Variants in CDH13 observed in about 807,000 individuals in gnomAD.
The protein encoded by CDH13 is cadherin 13.
Under a neutral mutation model 63.8 loss-of-function variants are expected in CDH13, and 24 were observed. That is an observed-to-expected ratio of 0.38 (90% confidence interval 0.27 to 0.53). CDH13 has a LOEUF of 0.53. Among genes scored for constraint, CDH13 ranks in the 20% least tolerant of loss-of-function variants. The pLI is 0.85. For synonymous variants in CDH13, 503 were observed against 355.3 expected, an observed-to-expected ratio of 1.42 and a Z score of -4.67; for missense variants, 1,049 against 903.1, an observed-to-expected ratio of 1.16 and a Z score of -2.07.
intron 6 of CDH13, among the ~76,000 whole-genome samples, chr16:83,435,125 C>T (rs1250305792): frequency 1.3e-5 from 2 of 151,764 alleles, no homozygotes; most frequent in African/African-American, 4.8e-5. Context: ...CGGCTTACTG[C>T]AACCTCCACC....
At chr16:83,408,242 A>G (rs1028933650) in intron 6 of CDH13, among the ~76,000 whole-genome samples, 1 of 152,214 alleles carries the variant, frequency 6.6e-6, no homozygotes, top group Admixed American at 6.5e-5. Flanking sequence ...TGCATGTTCC[A>G]TTGACAAAAC....
At chr16:83,181,631 C>T (rs867032328) in intron 4 of CDH13, among the ~76,000 whole-genome samples, 3 of 152,070 alleles carry the variant, frequency 2.0e-5, no homozygotes, top group East Asian at 1.9e-4. Flanking sequence ...TGAGTTGAGC[C>T]GCATGCTGAA....
At chr16:83,258,254 A>T (rs1043106919) in intron 5 of CDH13, among the ~76,000 whole-genome samples, 4 of 152,206 alleles carry the variant, frequency 2.6e-5, no homozygotes, top group African/African-American at 9.7e-5. Flanking sequence ...CATTTTTACC[A>T]CCAATATTTT....
rs1483757090 is a variant in CDH13, at chr16:82,644,215, T to G, written c.45+17078T>G. Among the ~76,000 whole-genome samples the G allele has an allele frequency of 2.6e-5, 4 of 152,140 alleles. No individual in the cohort carries two copies. The highest frequency in any genetic ancestry group is 5.9e-5 in the Non-Finnish European group (4 of 68,026). ...CCTTTGGCTGGTGCGGCTGAAGAATTCAATAGCCTAGTAATGAGAAGTCAA... is the reference window on the plus strand; with the variant it reads ...CCTTTGGCTGGTGCGGCTGAAGAATGCAATAGCCTAGTAATGAGAAGTCAA... On this transcript the variant is annotated intron_variant, in intron 1 of 13. Transcript: ENST00000567109. This position sits in a 1 kb window ranked among gnomAD's most constrained non-coding sequence, Gnocchi z 5.7.
At chr16:83,573,320 G>T (rs1053392767) in intron 7 of CDH13, among the ~76,000 whole-genome samples, 1 of 152,060 alleles carries the variant, frequency 6.6e-6, no homozygotes, top group Admixed American at 6.5e-5. Context: ...GGTGGGTGTG[G>T]CTCAGTTCTG....
rs147795085 is a variant in CDH13, at chr16:83,048,073, C to G, written c.366+15855C>G. 1.8e-3 allele frequency among the ~76,000 whole-genome samples: 280 copies of G among 152,260 alleles called. 2 individuals carry two copies. The highest frequency in any genetic ancestry group is 6.3e-3 in the African/African-American group (263 of 41,564). ...AAGTAGATTCAGGTTGGTTGAATAG[C>G]TGTATCCAAAAGGGTTAAAATATAA... is the stretch of plus-strand genomic sequence containing the variant. On this transcript the variant is annotated intron_variant, in intron 3 of 13. Coordinates refer to ENST00000567109, the MANE Select transcript of CDH13 (RefSeq NM_001257.5).
At chr16:82,655,066 C>G (rs992574666) in intron 1 of CDH13, among the ~76,000 whole-genome samples, 1 of 152,166 alleles carries the variant, frequency 6.6e-6, no homozygotes, top group Non-Finnish European at 1.5e-5. Flanking sequence ...AAAAGAAACT[C>G]AAGATAATTT....
rs927313075 is a variant in CDH13 at position 83,375,228 on chromosome 16, G to A, written c.781+30222G>A. On this transcript the variant is annotated intron_variant, in intron 6 of 13. Transcript: ENST00000567109. ...TGCGATCTGTTTACATTACATAGAA[G>A]GTTGGTTAATTAGAAATAATCATGT... Among the ~76,000 whole-genome samples the A allele has an allele frequency of 5.9e-5, 9 of 152,170 alleles. No homozygotes were observed. In the East Asian group the frequency reaches 1.5e-3, roughly 26 times the overall value.
chr16:83,308,857 A>T (rs947953785), intron 5 of CDH13, among the ~76,000 whole-genome samples: 2 of 152,244 alleles, frequency 1.3e-5, no homozygotes, highest in Non-Finnish European at 2.9e-5. Context: ...GTTTACTAAG[A>T]TGCTGAAACT....
chr16:83,222,216 A>G (rs1158401042), intron 5 of CDH13, among the ~76,000 whole-genome samples: 1 of 152,100 alleles, frequency 6.6e-6, no homozygotes, highest in Admixed American at 6.5e-5. Flanking sequence ...ATACTATATA[A>G]CTTGTTCTTT....
At position 83,797,031 on chromosome 16, in the gene CDH13, A is replaced by C. The variant is rs1427375934; in HGVS notation, c.*2001A>C. 6.6e-6 allele frequency: 1 copy of C among 152,204 alleles called. No individual in the cohort carries two copies. The allele number at this position is 152,204 out of a possible 1,614,324, so 9.4% of individuals were successfully genotyped here. On this transcript the variant is annotated 3_prime_UTR_variant, in exon 14 of 14. Transcript: ENST00000567109. ...CCCGACTCAGGGACAGGGGAATCTA[A>C]GCCTGTGCATTCACACTCCACAAGA...
chr16:83,775,596 T>C (rs1915053623), intron 11 of CDH13, among the ~76,000 whole-genome samples: 1 of 152,136 alleles, frequency 6.6e-6, no homozygotes, highest in Non-Finnish European at 1.5e-5. Context: ...CTGGGTGTTT[T>C]GCTCAAATTG....
chr16:82,632,807 C>G (rs927651743), intron 1 of CDH13, among the ~76,000 whole-genome samples: 6 of 152,108 alleles, frequency 3.9e-5, no homozygotes, highest in Admixed American at 6.5e-5. Context: ...TTCTACAACT[C>G]ACTATAATTT....
At chr16:82,864,864 C>T (rs2040070306) in intron 2 of CDH13, among the ~76,000 whole-genome samples, 2 of 152,186 alleles carry the variant, frequency 1.3e-5, no homozygotes, top group African/African-American at 4.8e-5. Context: ...CAAGTCCCTT[C>T]CACCTAGAGG....
intron 2 of CDH13, among the ~76,000 whole-genome samples, chr16:82,913,680 T>G (rs1350723259): frequency 6.6e-6 from 1 of 151,634 alleles, no homozygotes; most frequent in Non-Finnish European, 1.5e-5. Context: ...AAGGAGTGCA[T>G]GGGGAGGAGG....
intron 10 of CDH13, among the ~76,000 whole-genome samples, chr16:83,689,202 A>G (rs1156677541): frequency 6.6e-6 from 1 of 152,206 alleles, no homozygotes; most frequent in East Asian, 1.9e-4. Flanking sequence ...TTAGAAATTA[A>G]TCCTCAGAAC....
chr16:83,648,118 C>T lies in CDH13; in HGVS notation c.1102-22672C>T, dbSNP rs1912010658. Among the ~76,000 whole-genome samples the T allele has an allele frequency of 3.3e-5, 5 of 152,148 alleles. No individual in the cohort carries two copies. The South Asian group carries it at 8.3e-4, about 25-fold the overall frequency. ...TTGTTGCTTTGTAAAGGCAACAAAG[C>T]AGGAGTTAAGGGAAACCAAAGCCAT... On this transcript the variant is annotated intron_variant, in intron 8 of 13. Transcript: ENST00000567109.
intron 2 of CDH13, among the ~76,000 whole-genome samples, chr16:82,950,075 A>C (rs949025962): frequency 2.6e-5 from 4 of 152,114 alleles, no homozygotes; most frequent in Non-Finnish European, 4.4e-5. Context: ...AAGTGCCACA[A>C]ACTGGGTGGC....
intron 1 of CDH13, among the ~76,000 whole-genome samples, chr16:82,836,166 G>A (rs1406032220): frequency 1.3e-5 from 2 of 152,050 alleles, no homozygotes; most frequent in Non-Finnish European, 2.9e-5. Flanking sequence ...CACTCTTGTT[G>A]CCCAGACTGG....
Sources: allele counts gnomAD v4.1 joint callset (sites outside exome capture counted in the v4.1 genomes callset), GRCh38; gene constraint gnomAD v4.1.1; non-coding constraint Gnocchi (gnomAD v3.1); transcripts MANE v1.5; gene names NCBI Gene and HGNC (gene_info 2026-07-23, HGNC 2026-07-21).